The following ADGRF4 variants were observed in gnomAD, a reference collection of about 807,000 sequenced individuals.
The protein encoded by ADGRF4 is G-protein coupled receptor PGR18.
ADGRF4 carries 63 observed loss-of-function variants against 58.5 expected under a neutral mutation model. That is an observed-to-expected ratio of 1.08 (90% CI 0.88 to 1.33). The LOEUF (loss-of-function observed/expected upper bound fraction) is 1.33. ADGRF4 is among the 40% of genes most tolerant of loss of function. The pLI, the probability that ADGRF4 is intolerant of heterozygous loss-of-function variation, is 0.00. For missense variants in ADGRF4, 931 were observed against 843.9 expected, an observed-to-expected ratio of 1.10 and a Z score of -1.28; for synonymous variants, 313 against 295.4, an observed-to-expected ratio of 1.06 and a Z score of -0.61.
intron 1 of ADGRF4, among the ~76,000 whole-genome samples, chr6:47,705,134 A>G (rs138076322): frequency 4.6e-5 from 7 of 152,248 alleles, no homozygotes; most frequent in African/African-American, 1.4e-4. Flanking sequence ...TTCACCTGTT[A>G]GCCAGGATGG....
At chr6:47,708,541 T>A (rs1396352313) in intron 3 of ADGRF4, among the ~76,000 whole-genome samples, 1 of 152,206 alleles carries the variant, frequency 6.6e-6, no homozygotes, top group Non-Finnish European at 1.5e-5. Flanking sequence ...CAAAGAGAAA[T>A]CTGTTCAAAG....
chr6:47,717,003 A>G (rs1217318414), intron 7 of ADGRF4, among the ~76,000 whole-genome samples, 156 bp downstream of exon 7: 2 of 152,126 alleles, frequency 1.3e-5, no homozygotes, highest in Admixed American at 6.5e-5. Context: ...AAAACACACC[A>G]ATATTCTGTC....
In ADGRF4 at chr6:47,714,604, C is replaced by G. The variant is rs141843426; in HGVS notation, c.1359C>G (p.Ala453=). ...IVNIAVSLLT[A]NVWFIIGSHF... ...ATATAGCAGTGTCCCTTCTGACTGCCAATGTGTGGTTTATCATAGGCTCTC... is the reference window on the plus strand; with the variant it reads ...ATATAGCAGTGTCCCTTCTGACTGCGAATGTGTGGTTTATCATAGGCTCTC... The change falls in exon 6 of 10, where the codon GCC becomes GCG. Residue 453 remains alanine, a synonymous_variant. Coordinates refer to ENST00000283303, the MANE Select transcript of ADGRF4 (RefSeq NM_153838.5). 3 of 1,614,010 alleles carry G rather than the reference C, an allele frequency of 1.9e-6. No individual in the cohort carries two copies. The African/African-American group carries it at 4.0e-5, about 22-fold the overall frequency.
rs1354337258 is a variant in ADGRF4 at position 47,714,806 on chromosome 6, A to G, written c.1561A>G (p.Ile521Val). 3 of 1,613,778 alleles carry G rather than the reference A, an allele frequency of 1.9e-6. No homozygotes were observed. Among genetic ancestry groups the G allele is most frequent in the East Asian group, 2.2e-5 (1 of 44,878 alleles). The change falls in exon 6 of 10, where the codon ATT (isoleucine) becomes GTT (valine). Residue 521 changes from isoleucine (I) to valine (V), a missense_variant. Coordinates refer to ENST00000283303, the MANE Select transcript of ADGRF4 (RefSeq NM_153838.5). ...CCGAATGATGGTCATTGGCTTTGCCATTGGCTATGGGTGCCCATTGATCAT... is the reference window on the plus strand; with the variant it reads ...CCGAATGATGGTCATTGGCTTTGCCGTTGGCTATGGGTGCCCATTGATCAT... ...KSRMMVIGFA[I>V]GYGCPLIIAV...
intron 1 of ADGRF4, among the ~76,000 whole-genome samples, chr6:47,703,123 A>T (rs949830460): frequency 6.6e-6 from 1 of 152,166 alleles, no homozygotes; most frequent in Admixed American, 6.5e-5. Context: ...TGCTGGAGAG[A>T]TACTATATTT....
At chr6:47,706,868 T>G (rs1771721841) in intron 1 of ADGRF4, among the ~76,000 whole-genome samples, 1 of 152,236 alleles carries the variant, frequency 6.6e-6, no homozygotes. Flanking sequence ...AAGGAATTTA[T>G]GCGAAGACAG....
chr6:47,718,410 A>T lies in ADGRF4; in HGVS notation c.2056A>T (p.Asn686Tyr), dbSNP rs1390358483. 6.3e-7 allele frequency: 1 copy of T among 1,576,374 alleles called. No individual in the cohort carries two copies. Among genetic ancestry groups the T allele is most frequent in the East Asian group, 2.2e-5 (1 of 44,718 alleles). ...AAENASLGPT[N>Y]GSKLMNRQG ...TTAGAATGCATCACTAGGCCCAACC[A>T]ATGGATCTAAATTAATGAATCGTCA... Residue 686 changes from asparagine (N) to tyrosine (Y), a missense_variant, in exon 9 of 10, where the codon AAT becomes TAT. By Grantham distance (143) the Asn-to-Tyr change is moderately radical (BLOSUM62 -2). Transcript: ENST00000283303.
At chr6:47,706,085 T>A (rs141532118) in intron 1 of ADGRF4, among the ~76,000 whole-genome samples, 1 of 152,372 alleles carries the variant, frequency 6.6e-6, no homozygotes, top group South Asian at 2.1e-4. Context: ...GATTATAGTA[T>A]AGTTCTTGCT....
chr6:47,699,181 T>G (rs1771528503), intron 1 of ADGRF4, among the ~76,000 whole-genome samples: 1 of 152,220 alleles, frequency 6.6e-6, no homozygotes, highest in Non-Finnish European at 1.5e-5. Context: ...GTTTCTTCTT[T>G]TAGTGAGCCT....
Position 47,713,841 on chromosome 6 carries a change from T to C in ADGRF4, c.596T>C (p.Ile199Thr). The C allele has an allele frequency of 6.3e-7, 1 of 1,586,302 alleles. No individual in the cohort carries two copies. Among genetic ancestry groups the C allele is most frequent in the Non-Finnish European group, 8.6e-7 (1 of 1,167,166 alleles). Residue 199 changes from isoleucine (I) to threonine (T), a missense_variant, in exon 6 of 10, where the codon ATT becomes ACT. Physicochemically the swap from Ile to Thr is moderately conservative, Grantham distance 89. Coordinates refer to ENST00000283303, the MANE Select transcript of ADGRF4 (RefSeq NM_153838.5). ...VANHILDTAA[I>T]SNWAFIPNKN... ...AACCACATCCTCGACACAGCAGCCA[T>C]TTCAAACTGGGCTTTCATTCCCAAC...
intron 1 of ADGRF4, among the ~76,000 whole-genome samples, chr6:47,700,989 G>A (rs535974694): frequency 7.9e-5 from 12 of 152,102 alleles, no homozygotes. Context: ...AGGCTCTGGG[G>A]GGGAAGAGCA....
At chr6:47,717,954 A>G (rs1772065142) in intron 8 of ADGRF4, among the ~76,000 whole-genome samples, 1 of 152,202 alleles carries the variant, frequency 6.6e-6, no homozygotes, top group Non-Finnish European at 1.5e-5. Context: ...ATTAATTAGA[A>G]GTTATTTGTT....
chr6:47,713,814 C>A lies in ADGRF4; in HGVS notation c.569C>A (p.Ala190Asp). 2 of 1,553,938 alleles carry A rather than the reference C, an allele frequency of 1.3e-6. No individual in the cohort carries two copies. Among genetic ancestry groups the A allele is most frequent in the East Asian group, 2.3e-5 (1 of 44,412 alleles). The change falls in exon 6 of 10, where the codon GCC becomes GAC. Residue 190 changes from alanine (A) to aspartate (D), a missense_variant. Physicochemically the swap from Ala to Asp is moderately radical, Grantham distance 126. Coordinates refer to ENST00000283303, the MANE Select transcript of ADGRF4 (RefSeq NM_153838.5). ...REKMKSYSEV[A>D]NHILDTAAIS... is the part of the protein sequence containing the mutation. Reference sequence around the variant, plus strand: ...CCATTGCAGAGCTATAGTGAAGTGGCCAACCACATCCTCGACACAGCAGCC... The same window carrying A: ...CCATTGCAGAGCTATAGTGAAGTGGACAACCACATCCTCGACACAGCAGCC...
chr6:47,711,621 A>G (rs2039137), intron 4 of ADGRF4, among the ~76,000 whole-genome samples: 150,103 of 152,346 alleles, frequency 0.99, 73,993 homozygotes, highest in Middle Eastern at 1. Flanking sequence ...ATGTGTGCTC[A>G]ATCTAGAGGA....
At position 47,719,173 on chromosome 6, in the gene ADGRF4, G is replaced by A. The variant is rs544969723; in HGVS notation, c.*3+728G>A. Among the ~76,000 whole-genome samples the A allele has an allele frequency of 3.9e-5, 6 of 152,208 alleles. No homozygotes were observed. The South Asian group carries it at 6.2e-4, about 16-fold the overall frequency. Reference sequence around the variant, plus strand: ...GTCATGGTCCATATATTGAGCAATGGGCCAAAACAAGGGGCTGAGTCTCAT... The same window carrying A: ...GTCATGGTCCATATATTGAGCAATGAGCCAAAACAAGGGGCTGAGTCTCAT... On this transcript the variant is annotated intron_variant, in intron 9 of 9. Coordinates refer to ENST00000283303, the MANE Select transcript of ADGRF4 (RefSeq NM_153838.5).
Position 47,710,790 on chromosome 6 carries a change from G to C in ADGRF4, c.204G>C (p.Lys68Asn). 6.2e-7 allele frequency: 1 copy of C among 1,613,442 alleles called. No homozygotes were observed. Among genetic ancestry groups the C allele is most frequent in the Non-Finnish European group, 8.5e-7 (1 of 1,179,640 alleles). ...CCAACTGCAGCCAGCCCTGTGCTAA[G>C]GACTTTCATGGAGAAATAGGATTTA... is the stretch of plus-strand genomic sequence containing the variant. ...SSSNCSQPCA[K>N]DFHGEIGFTC... The change falls in exon 4 of 10, where the codon AAG becomes AAC. Residue 68 changes from lysine (K) to asparagine (N), a missense_variant. Coordinates refer to ENST00000283303, the MANE Select transcript of ADGRF4 (RefSeq NM_153838.5).
intron 1 of ADGRF4, among the ~76,000 whole-genome samples, chr6:47,706,085 T>G (rs141532118): frequency 7.1e-4 from 108 of 152,372 alleles, no homozygotes; most frequent in African/African-American, 2.5e-3. Flanking sequence ...GATTATAGTA[T>G]AGTTCTTGCT....
intron 1 of ADGRF4, among the ~76,000 whole-genome samples, chr6:47,705,158 A>G (rs1771679861): frequency 6.6e-6 from 1 of 152,060 alleles, no homozygotes; most frequent in Admixed American, 6.6e-5. Flanking sequence ...TGATCTCCTG[A>G]CCTCGTGATC....
intron 1 of ADGRF4, among the ~76,000 whole-genome samples, chr6:47,706,936 C>G (rs1035799338): frequency 1.3e-5 from 2 of 152,198 alleles, no homozygotes; most frequent in African/African-American, 4.8e-5. Context: ...ATTAAATAAA[C>G]TTGTTAATTA....
Sources: allele counts gnomAD v4.1 joint callset (sites outside exome capture counted in the v4.1 genomes callset), GRCh38; gene constraint gnomAD v4.1.1; transcripts MANE v1.5; gene names NCBI Gene and HGNC (gene_info 2026-07-23, HGNC 2026-07-21).